MBD5: variants seen among roughly 807,000 people sequenced by gnomAD.
MBD5 encodes the protein methyl-CpG binding domain protein 5.
MBD5 carries 13 observed loss-of-function variants against 117.3 expected under a neutral mutation model. The observed-to-expected ratio is 0.11, with a 90% CI of 0.07 to 0.18. The LOEUF (loss-of-function observed/expected upper bound fraction) is 0.18. Among genes scored for constraint, MBD5 ranks in the 10% least tolerant of loss-of-function variants. The pLI, the probability that MBD5 is intolerant of heterozygous loss-of-function variation, is 1.00. For missense variants in MBD5, 1,879 were observed against 2,093.8 expected, an observed-to-expected ratio of 0.90 and a Z score of 2.00; for synonymous variants, 727 against 766.4, an observed-to-expected ratio of 0.95 and a Z score of 0.85.
chr2:148,244,565 T>G (rs576378036), intron 3 of MBD5, among the ~76,000 whole-genome samples: 1 of 152,330 alleles, frequency 6.6e-6, no homozygotes, highest in East Asian at 1.9e-4. Flanking sequence ...CTTTGTATGT[T>G]GAAAACTCAA....
At chr2:148,255,253 C>T (rs1468050409) in intron 3 of MBD5, among the ~76,000 whole-genome samples, 4 of 150,276 alleles carry the variant, frequency 2.7e-5, no homozygotes, top group African/African-American at 9.7e-5. Context: ...CTGCCCTGGG[C>T]AGTCGTACCA....
Position 148,041,996 on chromosome 2 carries a change from G to T in MBD5, c.-925+20312G>T, listed in dbSNP as rs547455559. On this transcript the variant is annotated intron_variant, in intron 1 of 13. Coordinates refer to ENST00000642680, the MANE Select transcript of MBD5 (RefSeq NM_001378120.1). The stretch of plus-strand genomic sequence containing the variant: ...TTAATCTGAGAGAGAGTGATAAGGA[G>T]AGAAAAGCTCTGGCCACCTAAAGGG... Among the ~76,000 whole-genome samples the T allele has an allele frequency of 5.3e-5, 8 of 152,274 alleles. No homozygotes were observed. In the South Asian group the frequency reaches 1.7e-3, roughly 32 times the overall value.
intron 1 of MBD5, among the ~76,000 whole-genome samples, chr2:148,045,701 A>C (rs1694505096): frequency 6.6e-6 from 1 of 152,226 alleles, no homozygotes; most frequent in African/African-American, 2.4e-5. Flanking sequence ...TCTCAAGTGT[A>C]CTGGAGACTA....
chr2:148,389,174 A>G (rs1250645335), intron 4 of MBD5, among the ~76,000 whole-genome samples: 17 of 128,880 alleles, frequency 1.3e-4, no homozygotes, highest in African/African-American at 4.4e-4. Flanking sequence ...TTATGGCTCC[A>G]TAGTATTCCG....
intron 2 of MBD5, among the ~76,000 whole-genome samples, chr2:148,201,588 T>TA (rs1699144006): frequency 6.6e-6 from 1 of 152,166 alleles, no homozygotes; most frequent in Admixed American, 6.5e-5. Context: ...GCCACAGTGT[T>TA]ACAGCCTTCT....
intron 4 of MBD5, among the ~76,000 whole-genome samples, chr2:148,376,823 AATATATATAAC>A (rs1704003365): frequency 1.1e-5 from 1 of 94,028 alleles, no homozygotes; most frequent in Non-Finnish European, 2.1e-5. Context: ...TAATTTATAT[AATATATATAAC>A]ATATATATAA....
At chr2:148,148,012 A>G (rs888541957) in intron 1 of MBD5, among the ~76,000 whole-genome samples, 5 of 152,054 alleles carry the variant, frequency 3.3e-5, no homozygotes, top group South Asian at 2.1e-4. Context: ...TTTACTCTCC[A>G]ATTTTTTTCT....
intron 4 of MBD5, among the ~76,000 whole-genome samples, chr2:148,446,446 G>A (rs1444364029): frequency 1.3e-5 from 2 of 152,040 alleles, no homozygotes; most frequent in Non-Finnish European, 2.9e-5. Context: ...ATGAAGGGAA[G>A]ACCTCAATGG....
intron 1 of MBD5, among the ~76,000 whole-genome samples, chr2:148,052,603 G>C (rs111876255): frequency 6.6e-6 from 1 of 151,164 alleles, no homozygotes; most frequent in East Asian, 1.9e-4. Flanking sequence ...TTATGTTTTC[G>C]TCTTAATTTA....
intron 2 of MBD5, among the ~76,000 whole-genome samples, chr2:148,197,947 T>C (rs943712560): frequency 6.6e-6 from 1 of 151,384 alleles, no homozygotes; most frequent in Admixed American, 6.6e-5. Flanking sequence ...CAGAGTAAAC[T>C]GAAATTACAG....
At chr2:148,334,290 C>G (rs1702732174) in intron 3 of MBD5, among the ~76,000 whole-genome samples, 1 of 151,998 alleles carries the variant, frequency 6.6e-6, no homozygotes, top group African/African-American at 2.4e-5. Flanking sequence ...AGCTTCCAAA[C>G]TGTGGTTACT....
intron 1 of MBD5, among the ~76,000 whole-genome samples, chr2:148,039,340 G>C (rs536402972): frequency 6.6e-6 from 1 of 151,916 alleles, no homozygotes. Flanking sequence ...CTTTACTAAT[G>C]TGCCAAATTT....
chr2:148,083,183 CTGCTATATAAAA>C (rs1558918287), intron 1 of MBD5, among the ~76,000 whole-genome samples: 1 of 152,182 alleles, frequency 6.6e-6, no homozygotes, highest in African/African-American at 2.4e-5. Flanking sequence ...TCCAATATTT[CTGCTATATAAAA>C]TGTTAATGAA....
intron 4 of MBD5, among the ~76,000 whole-genome samples, chr2:148,385,744 A>G (rs1574364273): frequency 6.7e-6 from 1 of 149,428 alleles, no homozygotes; most frequent in African/African-American, 2.5e-5. Context: ...GATTAAGAAA[A>G]TGTGGCACAT....
chr2:148,189,466 T>A (rs1216779506), intron 2 of MBD5, among the ~76,000 whole-genome samples: 31 of 135,684 alleles, frequency 2.3e-4, no homozygotes, highest in Non-Finnish European at 4.1e-4. Context: ...CCGAGCAGCC[T>A]AACTGGGAGG....
intron 2 of MBD5, among the ~76,000 whole-genome samples, chr2:148,202,141 C>T (rs1044724946): frequency 6.6e-6 from 1 of 152,180 alleles, no homozygotes; most frequent in African/African-American, 2.4e-5. Context: ...AGATGGAGTC[C>T]TTGCCTGCAT....
chr2:148,049,572 A>G (rs560855535), intron 1 of MBD5, among the ~76,000 whole-genome samples: 1 of 152,270 alleles, frequency 6.6e-6, no homozygotes, highest in Admixed American at 6.5e-5. Context: ...ATAGCATGAA[A>G]TTTACAATTT....
At chr2:148,350,795 CTGCT>C (rs886802657) in intron 4 of MBD5, among the ~76,000 whole-genome samples, 2 of 152,002 alleles carry the variant, frequency 1.3e-5, no homozygotes, top group African/African-American at 4.8e-5. Flanking sequence ...CAGTAACTGT[CTGCT>C]TCAGTTGATA....
intron 3 of MBD5, among the ~76,000 whole-genome samples, chr2:148,289,374 AT>A (rs1156304638): frequency 3.3e-5 from 5 of 152,140 alleles, no homozygotes; most frequent in African/African-American, 1.2e-4. Flanking sequence ...TGGTAAGACA[AT>A]AGTGCTCATG....
Sources: allele counts gnomAD v4.1 joint callset (sites outside exome capture counted in the v4.1 genomes callset), GRCh38; gene constraint gnomAD v4.1.1; transcripts MANE v1.5; gene names NCBI Gene and HGNC (gene_info 2026-07-23, HGNC 2026-07-21).